Variants in ANKRD26 observed in about 807,000 individuals in gnomAD.
ANKRD26 encodes the protein ankyrin repeat domain-containing protein 26.
ANKRD26 carries 141 observed loss-of-function variants against 208.7 expected under a neutral mutation model. The observed-to-expected ratio is 0.68, with a 90% CI of 0.59 to 0.78. The LOEUF (loss-of-function observed/expected upper bound fraction) is 0.78. Ranked by LOEUF, ANKRD26 falls within the 30% of genes least tolerant of loss-of-function variation. The probability of loss-of-function intolerance (pLI) is 0.00; values close to 1 mark genes in which losing one functional copy is unlikely to be tolerated. For missense variants in ANKRD26, 1,889 were observed against 1,938.7 expected, an observed-to-expected ratio of 0.97 and a Z score of 0.48; for synonymous variants, 636 against 660.4, an observed-to-expected ratio of 0.96 and a Z score of 0.57.
intron 5 of ANKRD26, among the ~76,000 whole-genome samples, chr10:27,083,744 C>T (rs2056011470): frequency 6.6e-6 from 1 of 152,208 alleles, no homozygotes; most frequent in Non-Finnish European, 1.5e-5. Context: ...ACATGGTTAC[C>T]TTCCATCTAT....
chr10:26,948,266 G>T, the ANKRD26 span, among the ~76,000 whole-genome samples: 1 of 152,048 alleles, frequency 6.6e-6, no homozygotes. Context: ...AATTCATCAG[G>T]GTCCTGGGTA....
At chr10:27,071,785 A>C (rs952320713) in intron 9 of ANKRD26, among the ~76,000 whole-genome samples, 3 of 152,168 alleles carry the variant, frequency 2.0e-5, no homozygotes, top group Admixed American at 6.5e-5. Context: ...TCCACTGGGA[A>C]GCCCGGCAAT....
chr10:27,014,107 A>G (rs954276308), intron 31 of ANKRD26, among the ~76,000 whole-genome samples: 2 of 152,084 alleles, frequency 1.3e-5, no homozygotes, highest in African/African-American at 4.8e-5. Context: ...GTGATACTTG[A>G]CCCTTCTGGT....
At chr10:27,085,994 G>A (rs2056101775) in intron 5 of ANKRD26, among the ~76,000 whole-genome samples, 1 of 147,916 alleles carries the variant, frequency 6.8e-6, no homozygotes. Context: ...CATGTTAATT[G>A]ACTATTTATA....
At chr10:27,056,963 T>C (rs928670350) in intron 15 of ANKRD26, among the ~76,000 whole-genome samples, 1 of 152,158 alleles carries the variant, frequency 6.6e-6, no homozygotes, top group African/African-American at 2.4e-5. Context: ...TAGTAATCTT[T>C]CCTTTAGCTG....
At chr10:26,992,507 C>CACAG (rs1554768436) in intron 5 of ANKRD26, among the ~76,000 whole-genome samples, 33 of 134,322 alleles carry the variant, frequency 2.5e-4, no homozygotes, top group African/African-American at 9.7e-4. Flanking sequence ...CACACACACA[C>CACAG]AGAGAGAAAA....
intron 9 of ANKRD26, among the ~76,000 whole-genome samples, chr10:27,068,908 G>T (rs1453869500): frequency 1.3e-5 from 2 of 151,432 alleles, no homozygotes; most frequent in African/African-American, 2.4e-5. Context: ...GAGAAACGAG[G>T]TCGGGCGCAG....
intron 32 of ANKRD26, among the ~76,000 whole-genome samples, chr10:27,010,873 T>C (rs914543732): frequency 8.5e-5 from 13 of 152,164 alleles, no homozygotes; most frequent in Non-Finnish European, 1.3e-4. Flanking sequence ...CTCTGAAGCA[T>C]TTAGACCCTG....
intron 4 of ANKRD26, among the ~76,000 whole-genome samples, chr10:27,091,416 T>C (rs1483630423): frequency 6.6e-6 from 1 of 152,156 alleles, no homozygotes; most frequent in African/African-American, 2.4e-5. Context: ...ATAAAAGCTG[T>C]CTTTCTTCCC....
At chr10:26,977,044 C>A (rs1307090515) in intron 5 of ANKRD26, among the ~76,000 whole-genome samples, 1 of 152,156 alleles carries the variant, frequency 6.6e-6, no homozygotes, top group African/African-American at 2.4e-5. Context: ...ACCGTCCCCA[C>A]CCCCGGAAAC....
chr10:27,030,308 A>C, intron 25 of ANKRD26: 2 of 883,514 alleles, frequency 2.3e-6, no homozygotes, highest in Non-Finnish European at 2.7e-6. Flanking sequence ...TTAAACAATT[A>C]TAGATTACTT....
chr10:27,082,690 G>T (rs904521067), intron 6 of ANKRD26, 113 bp downstream of exon 6: 14 of 1,417,844 alleles, frequency 9.9e-6, no homozygotes, highest in Non-Finnish European at 1.3e-5. Flanking sequence ...AAAGCTGTTG[G>T]GACGACTATA....
chr10:27,062,291 G>A, intron 12 of ANKRD26: 1 of 789,426 alleles, frequency 1.3e-6, no homozygotes, highest in Non-Finnish European at 1.5e-6. Flanking sequence ...AGAAATAAAA[G>A]AAAAATAATG....
intron 25 of ANKRD26, chr10:27,030,590 C>T: frequency 6.1e-6 from 6 of 985,294 alleles, no homozygotes; most frequent in Non-Finnish European, 7.2e-6. Flanking sequence ...ATCTACGGAT[C>T]CCAGCTCTGG....
At position 27,042,843 on chromosome 10, in the gene ANKRD26, A is replaced by G. The variant is rs1406868506; in HGVS notation, c.2161+583T>C. On this transcript the variant is annotated intron_variant, in intron 20 of 33. Transcript: ENST00000376087. ...AAGCTGGGTGTGGTGGCACACGCCT[A>G]TCATATCAGCTACTCAGGAGGCTGA... 2.7e-5 allele frequency among the ~76,000 whole-genome samples: 4 copies of G among 149,390 alleles called. No homozygotes were observed. The East Asian group carries it at 7.8e-4, about 29-fold the overall frequency.
downstream of ANKRD26, among the ~76,000 whole-genome samples, chr10:27,002,071 A>T (rs2052737614): frequency 1.3e-5 from 2 of 152,144 alleles, no homozygotes; most frequent in Admixed American, 1.3e-4. Flanking sequence ...GGATAGTCCC[A>T]CGTGGGTTTT....
At chr10:27,040,646 A>G (rs2054203255) in intron 20 of ANKRD26, among the ~76,000 whole-genome samples, 1 of 152,156 alleles carries the variant, frequency 6.6e-6, no homozygotes, top group Admixed American at 6.5e-5. Context: ...TCCTGAAACG[A>G]CCAAAGACAA....
chr10:27,033,432 T>A (rs188790277), intron 24 of ANKRD26, 55 bp from the exon 25 acceptor site: 289 of 1,513,014 alleles, frequency 1.9e-4, no homozygotes, highest in Non-Finnish European at 9.3e-5. Flanking sequence ...TAAGTTATGT[T>A]AAAAAATAAA....
the ANKRD26 span, among the ~76,000 whole-genome samples, chr10:26,961,623 T>G: frequency 1.3e-5 from 2 of 152,128 alleles, no homozygotes; most frequent in Non-Finnish European, 2.9e-5. Context: ...GCAGGAGGAT[T>G]GCTTGAGCCC....
Sources: allele counts gnomAD v4.1 joint callset (sites outside exome capture counted in the v4.1 genomes callset), GRCh38; gene constraint gnomAD v4.1.1; transcripts MANE v1.5; gene names NCBI Gene and HGNC (gene_info 2026-07-23, HGNC 2026-07-21).